The following SGMS1 variants were observed in gnomAD, a reference collection of about 807,000 sequenced individuals.
The protein encoded by SGMS1 is phosphatidylcholine:ceramide cholinephosphotransferase 1.
A neutral mutation model predicts 46.2 loss-of-function variants in SGMS1; 13 were observed. That is an observed-to-expected ratio of 0.28 (90% CI 0.18 to 0.45). The LOEUF (loss-of-function observed/expected upper bound fraction) is 0.45. Ranked by LOEUF, SGMS1 falls within the 20% of genes least tolerant of loss-of-function variation. SGMS1 has a pLI of 1.00. For missense variants in SGMS1, 324 were observed against 519.9 expected, an observed-to-expected ratio of 0.62 and a Z score of 3.66; for synonymous variants, 203 against 187.8, an observed-to-expected ratio of 1.08 and a Z score of -0.66.
intron 2 of SGMS1, among the ~76,000 whole-genome samples, chr10:50,520,258 T>C (rs1837845869): frequency 1.3e-5 from 2 of 152,026 alleles, no homozygotes; most frequent in African/African-American, 2.4e-5. Flanking sequence ...GATATGGTGG[T>C]ATTTACCTGT....
chr10:50,339,651 T>C (rs1182544365), intron 7 of SGMS1, among the ~76,000 whole-genome samples: 1 of 152,242 alleles, frequency 6.6e-6, no homozygotes, highest in Non-Finnish European at 1.5e-5. Context: ...TATGGTATAC[T>C]GCTTAATAAA....
chr10:50,349,793 A>G (rs1847975123), intron 6 of SGMS1, among the ~76,000 whole-genome samples: 1 of 152,200 alleles, frequency 6.6e-6, no homozygotes, highest in South Asian at 2.1e-4. Flanking sequence ...CATGATTCTC[A>G]GGCCTCTGCA....
intron 1 of SGMS1, among the ~76,000 whole-genome samples, chr10:50,597,162 TG>T (rs1235728900): frequency 1.3e-5 from 2 of 152,116 alleles, no homozygotes; most frequent in Admixed American, 1.3e-4. Context: ...ATAATGACAA[TG>T]AGCATAACAC....
chr10:50,622,616 A>G (rs917596900), intron 1 of SGMS1, among the ~76,000 whole-genome samples: 8 of 152,366 alleles, frequency 5.3e-5, no homozygotes, highest in African/African-American at 1.9e-4. Flanking sequence ...CCTTTCAGAA[A>G]GCAGCCTTCA....
chr10:50,507,969 C>T (rs929331852), intron 3 of SGMS1, among the ~76,000 whole-genome samples: 2 of 152,108 alleles, frequency 1.3e-5, no homozygotes, highest in African/African-American at 4.8e-5. Flanking sequence ...AGGAAGAGAA[C>T]CATTTAATCC....
At chr10:50,333,657 T>C (rs1275765069) in intron 7 of SGMS1, among the ~76,000 whole-genome samples, 1 of 152,128 alleles carries the variant, frequency 6.6e-6, no homozygotes, top group East Asian at 1.9e-4. Context: ...GGAGAGAAAA[T>C]TCTAAGGAAA....
intron 3 of SGMS1, among the ~76,000 whole-genome samples, chr10:50,514,964 C>T (rs1362533191): frequency 9.9e-5 from 15 of 152,260 alleles, no homozygotes; most frequent in East Asian, 9.7e-4. Flanking sequence ...ATTTTTTGCA[C>T]GCATCAAACA....
chr10:50,310,917 A>G lies in SGMS1; in HGVS notation c.895+345T>C, dbSNP rs36006030. On this transcript the variant is annotated intron_variant, in intron 9 of 10. Transcript: ENST00000361781. ...TCAACACATAATCTACCATCACCCA[A>G]TCAGGCTTGATACTGGATTTCTGTG... Among the ~76,000 whole-genome samples the G allele has an allele frequency of 1.3e-3, 196 of 152,228 alleles. 1 individual carries two copies. The highest frequency in any genetic ancestry group is 1.9e-3 in the Non-Finnish European group (132 of 68,014).
At chr10:50,553,148 C>A (rs58675275) in intron 2 of SGMS1, among the ~76,000 whole-genome samples, 1 of 152,186 alleles carries the variant, frequency 6.6e-6, no homozygotes, top group East Asian at 1.9e-4. Context: ...AATGAAGTCA[C>A]GTTAATGTTG....
intron 6 of SGMS1, among the ~76,000 whole-genome samples, chr10:50,346,608 A>G (rs1271580335): frequency 6.6e-6 from 1 of 152,058 alleles, no homozygotes; most frequent in Non-Finnish European, 1.5e-5. Flanking sequence ...CAATAAAGAA[A>G]CTATTTACCA....
intron 1 of SGMS1, chr10:50,590,735 G>A (rs1161464807): frequency 6.6e-6 from 1 of 152,018 alleles, no homozygotes; most frequent in Non-Finnish European, 1.5e-5. Flanking sequence ...GTGTGTGTGT[G>A]GTGAGAACAC....
chr10:50,407,812 C>T (rs1274813429), intron 6 of SGMS1, among the ~76,000 whole-genome samples: 1 of 152,104 alleles, frequency 6.6e-6, no homozygotes, highest in African/African-American at 2.4e-5. Flanking sequence ...CCTAAAAGAG[C>T]CAGTTAAACC....
At chr10:50,359,576 C>A (rs915773537) in intron 6 of SGMS1, among the ~76,000 whole-genome samples, 4 of 152,024 alleles carry the variant, frequency 2.6e-5, no homozygotes, top group African/African-American at 4.8e-5. Context: ...CCAGCAACAT[C>A]AGCTAATTCT....
chr10:50,307,114 T>A lies in SGMS1; in HGVS notation c.*28A>T. The A allele has an allele frequency of 6.2e-7, 1 of 1,604,372 alleles. No individual in the cohort carries two copies. Among genetic ancestry groups the A allele is most frequent in the Non-Finnish European group, 8.5e-7 (1 of 1,173,794 alleles). On this transcript the variant is annotated 3_prime_UTR_variant, in exon 11 of 11. Coordinates refer to ENST00000361781, the MANE Select transcript of SGMS1 (RefSeq NM_147156.4). This position sits in a 1 kb window ranked among gnomAD's most constrained non-coding sequence, Gnocchi z 4.2. Reference sequence around the variant, plus strand: ...ATGGAGTTCTTAGCACTTCGGACAATTTGTCTTTTCCCCACTTTGTACAGC... The same window carrying A: ...ATGGAGTTCTTAGCACTTCGGACAAATTGTCTTTTCCCCACTTTGTACAGC...
intron 3 of SGMS1, among the ~76,000 whole-genome samples, chr10:50,500,499 T>C (rs1424470430): frequency 6.6e-6 from 1 of 152,236 alleles, no homozygotes; most frequent in Admixed American, 6.5e-5. Context: ...TAATTCACCA[T>C]CAAAACACTT....
At chr10:50,418,714 G>T (rs1201008840) in intron 6 of SGMS1, among the ~76,000 whole-genome samples, 1 of 152,198 alleles carries the variant, frequency 6.6e-6, no homozygotes, top group Non-Finnish European at 1.5e-5. Context: ...ATTAGTAAAA[G>T]TTTTTGAGTT....
intron 6 of SGMS1, among the ~76,000 whole-genome samples, chr10:50,408,645 T>C (rs1476337603): frequency 6.6e-6 from 1 of 151,708 alleles, no homozygotes; most frequent in Non-Finnish European, 1.5e-5. Flanking sequence ...ATCACACCAC[T>C]GTACTTCAGC....
chr10:50,330,004 CATT>C (rs1847593517), intron 7 of SGMS1, among the ~76,000 whole-genome samples: 1 of 152,114 alleles, frequency 6.6e-6, no homozygotes, highest in African/African-American at 2.4e-5. Context: ...TTTTATAGAT[CATT>C]ATTAAGACTT....
intron 3 of SGMS1, among the ~76,000 whole-genome samples, chr10:50,492,909 C>G (rs1205383451): frequency 6.6e-6 from 1 of 152,196 alleles, no homozygotes; most frequent in Non-Finnish European, 1.5e-5. Context: ...ACACCTATCT[C>G]TCTATCTGTA....
Sources: gnomAD v4.1 joint callset for allele counts (sites outside exome capture counted in the v4.1 genomes callset) on GRCh38, gnomAD v4.1.1 for gene constraint, Gnocchi (gnomAD v3.1) non-coding constraint, MANE v1.5 for transcripts, NCBI Gene and HGNC (gene_info 2026-07-23, HGNC 2026-07-21) for gene names.